SLC2A14: variants seen among roughly 807,000 people sequenced by gnomAD.
SLC2A14 encodes solute carrier family 2, facilitated glucose transporter member 14.
SLC2A14 carries 13 observed loss-of-function variants against 43.0 expected under a neutral mutation model. The ratio of observed to expected loss-of-function variants is 0.30; its 90% CI spans 0.20 to 0.48. The LOEUF (loss-of-function observed/expected upper bound fraction) is 0.48. Ranked by LOEUF, SLC2A14 falls within the 20% of genes least tolerant of loss-of-function variation. SLC2A14 has a pLI of 0.99. For synonymous variants in SLC2A14, 190 were observed against 233.8 expected, an observed-to-expected ratio of 0.81 and a Z score of 1.71; for missense variants, 428 against 620.4, an observed-to-expected ratio of 0.69 and a Z score of 3.29.
At chr12:7,864,752 T>C (rs1944816323) in intron 2 of SLC2A14, among the ~76,000 whole-genome samples, 1 of 152,188 alleles carries the variant, frequency 6.6e-6, no homozygotes, top group Non-Finnish European at 1.5e-5. Flanking sequence ...TAGTGGTGAC[T>C]GAGCCGCTAT....
At chr12:7,875,687 C>A (rs1592326230), upstream of SLC2A14, among the ~76,000 whole-genome samples, 2 of 151,884 alleles carry the variant, frequency 1.3e-5, no homozygotes, top group Admixed American at 6.6e-5. Context: ...AAAAGAGACA[C>A]CAGGGCCAGG....
At chr12:7,850,582 G>A (rs1866848722) in intron 2 of SLC2A14, 1 of 152,182 alleles carries the variant, frequency 6.6e-6, no homozygotes, top group Non-Finnish European at 1.5e-5. Flanking sequence ...TTTTAGTAGA[G>A]ACGGGGTTTC....
chr12:7,842,358 A>G (rs1328307921), intron 2 of SLC2A14, among the ~76,000 whole-genome samples: 1 of 152,180 alleles, frequency 6.6e-6, no homozygotes, highest in Non-Finnish European at 1.5e-5. Flanking sequence ...TTTCATGTAG[A>G]TGCATGATTT....
chr12:7,820,966 A>G (rs1034604986), intron 8 of SLC2A14, among the ~76,000 whole-genome samples: 18 of 152,166 alleles, frequency 1.2e-4, no homozygotes, highest in Admixed American at 1.3e-4. Context: ...GCACACCTGT[A>G]TCCGAGCTAC....
intron 5 of SLC2A14, among the ~76,000 whole-genome samples, chr12:7,829,530 G>C (rs984983361): frequency 1.3e-5 from 2 of 150,726 alleles, no homozygotes; most frequent in Non-Finnish European, 2.9e-5. Context: ...ACTCCAGCCT[G>C]GGTGACAGAG....
chr12:7,850,329 C>T (rs1454522729), intron 2 of SLC2A14, among the ~76,000 whole-genome samples: 4 of 152,140 alleles, frequency 2.6e-5, no homozygotes, highest in Non-Finnish European at 5.9e-5. Flanking sequence ...GATGCTGCAG[C>T]AGTCTTTGAA....
chr12:7,815,882 G>GA lies in SLC2A14; in HGVS notation c.1276-1349_1276-1348insT, dbSNP rs1555115988. On this transcript the variant is annotated intron_variant, in intron 10 of 10. Coordinates refer to ENST00000431042, the MANE Select transcript of SLC2A14 (RefSeq NM_001286234.2). ...TGAGCCACCGTGCCTGGCCAGTTTT[G>GA]TTTTTTTTTGTTTTTTTGTTTTTGT... Among the ~76,000 whole-genome samples, 5 of 147,840 alleles carry GA rather than the reference G, an allele frequency of 3.4e-5. No individual in the cohort carries two copies. In the Admixed American group the frequency reaches 3.4e-4, roughly 10 times the overall value.
At chr12:7,817,566 T>G (rs56300474) in intron 10 of SLC2A14, among the ~76,000 whole-genome samples, 1 of 151,996 alleles carries the variant, frequency 6.6e-6, no homozygotes, top group Non-Finnish European at 1.5e-5. Flanking sequence ...CAAGAGATCA[T>G]GACCATCCTG....
chr12:7,872,933 G>T, upstream of SLC2A14: 1 of 985,506 alleles, frequency 1.0e-6, no homozygotes, highest in Non-Finnish European at 1.2e-6. Context: ...AAAAGCCTAG[G>T]ATTCGACTTT....
rs189103973 is a variant in SLC2A14 at position 7,871,187 on chromosome 12, A to G, written c.-57-1250T>C. The G allele has an allele frequency of 4.6e-4, 576 of 1,261,738 alleles. 1 individual carries two copies. Among genetic ancestry groups the G allele is most frequent in the Non-Finnish European group, 5.6e-4 (549 of 977,704 alleles). 78.2% of individuals were successfully genotyped at this position (1,261,738 alleles called of 1,614,324 possible). A position where few individuals can be genotyped will look rare whatever the true frequency, so the allele number is the denominator to read the frequency against. On this transcript the variant is annotated intron_variant, in intron 1 of 10. Transcript: ENST00000431042. ...ATCCAAAACGCCTTCACCTGCTTCA[A>G]CGAGGAATCCTCAGGTTTCATTCAT... is the stretch of plus-strand genomic sequence containing the variant.
upstream of SLC2A14, among the ~76,000 whole-genome samples, chr12:7,873,968 G>A (rs1395003237): frequency 6.6e-6 from 1 of 152,118 alleles, no homozygotes; most frequent in Non-Finnish European, 1.5e-5. Flanking sequence ...GCAAACAAGG[G>A]CCATTAAAAG....
intron 10 of SLC2A14, among the ~76,000 whole-genome samples, chr12:7,815,464 T>C (rs2120639656): frequency 6.6e-6 from 1 of 152,296 alleles, no homozygotes; most frequent in East Asian, 1.9e-4. Flanking sequence ...CATTTCAATC[T>C]TTTCTGCCGT....
chr12:7,818,811 T>C (rs890513135), intron 9 of SLC2A14, among the ~76,000 whole-genome samples: 7 of 152,044 alleles, frequency 4.6e-5, no homozygotes, highest in African/African-American at 1.7e-4. Flanking sequence ...AATGAAGCAC[T>C]GCACCCAGCC....
chr12:7,854,505 T>C (rs1867194927), intron 2 of SLC2A14, among the ~76,000 whole-genome samples: 1 of 152,178 alleles, frequency 6.6e-6, no homozygotes, highest in Non-Finnish European at 1.5e-5. Flanking sequence ...TGTTTGCTTT[T>C]TGAGATGGAG....
chr12:7,820,471 C>G (rs6488684), intron 8 of SLC2A14, among the ~76,000 whole-genome samples: 2 of 152,094 alleles, frequency 1.3e-5, no homozygotes, highest in Admixed American at 6.6e-5. Flanking sequence ...AACCTGTGAG[C>G]TCTGATGCTA....
intron 1 of SLC2A14, chr12:7,870,765 AATAAAT>A (rs1299447249): frequency 2.6e-6 from 2 of 766,482 alleles, no homozygotes; most frequent in African/African-American, 3.9e-5. Flanking sequence ...TTTTAACTCA[AATAAAT>A]ATACTTTTCA....
intron 2 of SLC2A14, among the ~76,000 whole-genome samples, chr12:7,850,220 TGTG>T (rs1866813818): frequency 6.6e-6 from 1 of 151,914 alleles, no homozygotes; most frequent in Non-Finnish European, 1.5e-5. Flanking sequence ...GTGGGCAGTT[TGTG>T]GGAAGGCTGG....
intron 7 of SLC2A14, among the ~76,000 whole-genome samples, chr12:7,824,388 C>T (rs2120713090): frequency 6.6e-6 from 1 of 152,104 alleles, no homozygotes; most frequent in South Asian, 2.1e-4. Context: ...AATTATCTAC[C>T]TTATCACAAT....
chr12:7,839,914 C>G, intron 2 of SLC2A14: 1 of 303,064 alleles, frequency 3.3e-6, no homozygotes, highest in East Asian at 1.0e-4. Context: ...ACAAGGAGAC[C>G]CTGTCTCTAC....
Sources: allele counts gnomAD v4.1 joint callset (sites outside exome capture counted in the v4.1 genomes callset), GRCh38; gene constraint gnomAD v4.1.1; transcripts MANE v1.5; gene names NCBI Gene and HGNC (gene_info 2026-07-23, HGNC 2026-07-21).